Variants in ECM2 observed in about 807,000 individuals in gnomAD.
ECM2 encodes extracellular matrix protein 2, also known as extracellular matrix protein 2, female organ and adipocyte specific.
A neutral mutation model predicts 67.5 loss-of-function variants in ECM2; 57 were observed. That is an observed-to-expected ratio of 0.84 (90% CI 0.68 to 1.05). The LOEUF is 1.05. Ranked by LOEUF, ECM2 falls within the 50% of genes least tolerant of loss-of-function variation. The pLI, the probability that ECM2 is intolerant of heterozygous loss-of-function variation, is 0.00. For synonymous variants in ECM2, 258 were observed against 294.5 expected (o/e 0.88, Z 1.27); for missense variants, 741 against 822.8 (o/e 0.90, Z 1.22).
intron 7 of ECM2, among the ~76,000 whole-genome samples, chr9:92,504,868 G>A (rs1846903265): frequency 6.6e-6 from 1 of 152,164 alleles, no homozygotes; most frequent in African/African-American, 2.4e-5. Flanking sequence ...GGAAATGAGG[G>A]GTGTTGACAT....
At chr9:92,535,343 C>T (rs1040952845) in intron 1 of ECM2, among the ~76,000 whole-genome samples, 2 of 152,118 alleles carry the variant, frequency 1.3e-5, no homozygotes, top group Admixed American at 6.5e-5. Flanking sequence ...TAAACAACTT[C>T]GTAATTGAGT....
At chr9:92,494,281 C>T, downstream of ECM2, 1 of 712,028 alleles carries the variant, frequency 1.4e-6, no homozygotes, top group African/African-American at 1.8e-5. Context: ...TTGTTTACAG[C>T]TTAGATTGCC....
intron 1 of ECM2, among the ~76,000 whole-genome samples, chr9:92,524,417 T>C (rs1588229277): frequency 6.6e-6 from 1 of 152,332 alleles, no homozygotes; most frequent in South Asian, 2.1e-4. Flanking sequence ...CTGTGAAGTC[T>C]GGTGGCCAGG....
chr9:92,535,993 AAC>A (rs756567606), upstream of ECM2: 1 of 513,262 alleles, frequency 1.9e-6, no homozygotes, highest in Non-Finnish European at 3.9e-6. Flanking sequence ...CTGAAAATGA[AAC>A]AAAATCAGAG....
At chr9:92,498,285 T>TA (rs1846472593) in intron 9 of ECM2, among the ~76,000 whole-genome samples, 1 of 152,070 alleles carries the variant, frequency 6.6e-6, no homozygotes, top group African/African-American at 2.4e-5. Context: ...AAGGATCATA[T>TA]AGTGTATAAA....
chr9:92,546,365 T>G, the ECM2 span, among the ~76,000 whole-genome samples: 3 of 152,116 alleles, frequency 2.0e-5, no homozygotes, highest in South Asian at 6.2e-4. Context: ...TTTGTTCTTT[T>G]GCTCTTTGCA....
chr9:92,494,306 T>G (rs1364766892), downstream of ECM2, among the ~76,000 whole-genome samples: 2 of 152,226 alleles, frequency 1.3e-5, no homozygotes, highest in Non-Finnish European at 2.9e-5. Flanking sequence ...ACCATTTATG[T>G]CAATGTGTTT....
At chr9:92,532,029 A>ATTTTTTTTTTTTTTTT (rs201461115) in intron 1 of ECM2, among the ~76,000 whole-genome samples, 9 of 91,046 alleles carry the variant, frequency 9.9e-5, no homozygotes, top group Admixed American at 2.2e-4. Flanking sequence ...TTTTTTTTTT[A>ATTTTTTTTTTTTTTTT]TTTTATTTTT....
chr9:92,523,540 A>G (rs572215877), intron 1 of ECM2, among the ~76,000 whole-genome samples: 1 of 152,224 alleles, frequency 6.6e-6, no homozygotes, highest in South Asian at 2.1e-4. Flanking sequence ...CAAAAGGCCC[A>G]GAGTTCTGGT....
At chr9:92,557,154 C>T in the ECM2 span, among the ~76,000 whole-genome samples, 1 of 152,166 alleles carries the variant, frequency 6.6e-6, no homozygotes, top group Non-Finnish European at 1.5e-5. Context: ...GGGTCCCAAT[C>T]CCTTCTAGCT....
intron 1 of ECM2, among the ~76,000 whole-genome samples, chr9:92,528,219 T>C (rs1848534669): frequency 6.6e-6 from 1 of 152,090 alleles, no homozygotes; most frequent in African/African-American, 2.4e-5. Flanking sequence ...CAAAGAGCAG[T>C]CCAGGCCAGT....
At chr9:92,538,638 T>C (rs187513769), upstream of ECM2, among the ~76,000 whole-genome samples, 109 of 152,360 alleles carry the variant, frequency 7.2e-4, no homozygotes, top group African/African-American at 2.5e-3. Context: ...TTTAATGGAC[T>C]GTTACATGAG....
At chr9:92,521,085 T>C (rs1848039279) in intron 2 of ECM2, among the ~76,000 whole-genome samples, 1 of 152,192 alleles carries the variant, frequency 6.6e-6, no homozygotes, top group African/African-American at 2.4e-5. Context: ...CACTTTAAAA[T>C]GGATGAAATG....
At chr9:92,511,671 A>G (rs1284584738) in intron 5 of ECM2, among the ~76,000 whole-genome samples, 3 of 152,150 alleles carry the variant, frequency 2.0e-5, no homozygotes, top group Non-Finnish European at 1.5e-5. Context: ...GAGGTTCCAG[A>G]TAGGCTCAAT....
chr9:92,505,748 G>A (rs1018676920), intron 6 of ECM2, 58 bp from the exon 7 acceptor site: 22 of 1,399,236 alleles, frequency 1.6e-5, no homozygotes, highest in Non-Finnish European at 1.6e-5. Flanking sequence ...GCAAATTTTT[G>A]TAGCCTTTTG....
chr9:92,494,362 G>A (rs1291634241), downstream of ECM2, among the ~76,000 whole-genome samples: 2 of 152,174 alleles, frequency 1.3e-5, no homozygotes, highest in Non-Finnish European at 2.9e-5. Context: ...TTAAATGGAT[G>A]TGTAACCCTA....
intron 1 of ECM2, among the ~76,000 whole-genome samples, chr9:92,532,814 C>T (rs1015346574): frequency 6.6e-6 from 1 of 151,878 alleles, no homozygotes; most frequent in Admixed American, 6.6e-5. Context: ...GTGTCTATTT[C>T]GGTTGTCTCT....
At position 92,509,252 on chromosome 9, in the gene ECM2, A is replaced by G. The variant is rs893795581; in HGVS notation, c.1306+647T>C. Among the ~76,000 whole-genome samples the G allele has an allele frequency of 3.9e-5, 6 of 152,262 alleles. No homozygotes were observed. In the East Asian group the frequency reaches 1.2e-3, roughly 29 times the overall value. On this transcript the variant is annotated intron_variant, in intron 6 of 9. Transcript: ENST00000344604. ...GACTTCAGTGACATATGAGTACAGA[A>G]GTTCCAGCCCAAGCCCTCTCAGGCA...
At chr9:92,539,079 G>A (rs1419509198), upstream of ECM2, 1 of 152,196 alleles carries the variant, frequency 6.6e-6, no homozygotes, top group African/African-American at 2.4e-5. Context: ...CGAATAAGGA[G>A]GCTTAAAGCT....
Sources: allele counts gnomAD v4.1 joint callset (sites outside exome capture counted in the v4.1 genomes callset), GRCh38; gene constraint gnomAD v4.1.1; transcripts MANE v1.5; gene names NCBI Gene and HGNC (gene_info 2026-07-23, HGNC 2026-07-21).